Variants in SZRD1 observed in about 807,000 individuals in gnomAD.
SZRD1 encodes SUZ RNA binding domain containing 1, also known as SUZ RNA-binding domain-containing.
A neutral mutation model predicts 17.6 loss-of-function variants in SZRD1; 7 were observed. That is an observed-to-expected ratio of 0.40 (90% CI 0.23 to 0.75). The LOEUF (loss-of-function observed/expected upper bound fraction) is 0.75, where lower values mean the gene tolerates loss of function less well. SZRD1 is among the 30% of genes least tolerant of loss of function. The pLI is 0.38. For missense variants in SZRD1, 178 were observed against 201.8 expected, an observed-to-expected ratio of 0.88 and a Z score of 0.71; for synonymous variants, 77 against 77.9, an observed-to-expected ratio of 0.99 and a Z score of 0.06.
chr1:16,367,522 T>A (rs1488937014), intron 1 of SZRD1, among the ~76,000 whole-genome samples: 1 of 152,200 alleles, frequency 6.6e-6, no homozygotes, highest in Non-Finnish European at 1.5e-5. Flanking sequence ...TGCGCCTCCC[T>A]CCGCCCACTA....
chr1:16,377,240 C>T (rs1260169349), intron 1 of SZRD1, among the ~76,000 whole-genome samples: 5 of 152,184 alleles, frequency 3.3e-5, no homozygotes, highest in Non-Finnish European at 1.5e-5. Flanking sequence ...TTTGTTTCAT[C>T]CTCCAAAGTC....
rs148494606 is a variant in SZRD1 at position 16,384,156 on chromosome 1, A to G, written c.52-7219A>G. Among the ~76,000 whole-genome samples, 6 of 152,260 alleles carry G rather than the reference A, an allele frequency of 3.9e-5. No individual in the cohort carries two copies. In the East Asian group the frequency reaches 1.2e-3, roughly 29 times the overall value. ...ACCAGGCCAGGACACTGTCACTGCT[A>G]TGCTACTGATGGAAACAAGGCAGAG... On this transcript the variant is annotated intron_variant, in intron 1 of 3. Transcript: ENST00000401088.
intron 1 of SZRD1, among the ~76,000 whole-genome samples, chr1:16,389,789 C>T (rs1557630484): frequency 6.6e-6 from 1 of 152,206 alleles, no homozygotes; most frequent in Non-Finnish European, 1.5e-5. Flanking sequence ...ACGAAAATGG[C>T]CTACATGCTG....
rs879286765 is a variant in SZRD1, at chr1:16,391,079, A to T, written c.52-296A>T. Among the ~76,000 whole-genome samples the T allele has an allele frequency of 2.5e-4, 38 of 152,298 alleles. No individual in the cohort carries two copies. Among genetic ancestry groups the T allele is most frequent in the Admixed American group, 2.0e-4 (3 of 15,292 alleles). On this transcript the variant is annotated intron_variant, in intron 1 of 3. Transcript: ENST00000401088. This position sits in a 1 kb window ranked among gnomAD's most constrained non-coding sequence, Gnocchi z 4.3. ...AAGTTTAGGTTTAGAAGTTGATATGAGTGGCTCTGTGAAAGACAGATTACA... is the reference window on the plus strand; with the variant it reads ...AAGTTTAGGTTTAGAAGTTGATATGTGTGGCTCTGTGAAAGACAGATTACA...
chr1:16,388,375 G>A (rs1310130209), intron 1 of SZRD1, among the ~76,000 whole-genome samples: 1 of 151,794 alleles, frequency 6.6e-6, no homozygotes, highest in Non-Finnish European at 1.5e-5. Context: ...CAAAGTGCTA[G>A]GATTGTAGGC....
chr1:16,387,746 C>T (rs1389349454), intron 1 of SZRD1: 6 of 451,518 alleles, frequency 1.3e-5, no homozygotes, highest in South Asian at 9.4e-5. Context: ...CGAAATGATA[C>T]AGTATGAAAC....
intron 1 of SZRD1, among the ~76,000 whole-genome samples, chr1:16,375,883 C>A (rs1052702536): frequency 2.0e-5 from 3 of 152,148 alleles, no homozygotes; most frequent in Admixed American, 6.6e-5. Context: ...AGAACAATTC[C>A]CAGCCCAGCC....
chr1:16,379,760 G>GT (rs35016930), intron 1 of SZRD1, among the ~76,000 whole-genome samples: 44,103 of 130,968 alleles, frequency 0.34, 8,069 homozygotes, highest in East Asian at 0.67. Flanking sequence ...TTGATTTGGG[G>GT]TTTTTTTTTT....
intron 1 of SZRD1, among the ~76,000 whole-genome samples, chr1:16,383,302 C>G (rs996209830): frequency 6.6e-6 from 1 of 151,840 alleles, no homozygotes; most frequent in Non-Finnish European, 1.5e-5. Flanking sequence ...ACTGCTGCCT[C>G]AAACTCTTGG....
At chr1:16,387,333 CAG>C (rs1235086531) in intron 1 of SZRD1, 1 of 456,294 alleles carries the variant, frequency 2.2e-6, no homozygotes, top group Admixed American at 2.4e-5. Context: ...TTGCTTTCCT[CAG>C]AGGAGACCTG....
At position 16,391,414 on chromosome 1, in the gene SZRD1, C is replaced by G. The variant is rs1323754239; in HGVS notation, c.91C>G (p.Gln31Glu). Residue 31 changes from glutamine (Q) to glutamate (E), a missense_variant, in exon 2 of 4, where the codon CAA becomes GAA. Transcript: ENST00000401088. The surrounding 1 kb of genome is among the most constrained non-coding windows in gnomAD (Gnocchi z 4.3). ...GTTGGAAAAAAAACTGAAGATCACA[C>G]AAAAAGAGAGGTAAGGCTGCTGTCT... ...RRLEKKLKIT[Q>E]KESRKSKSPP... 70 of 1,548,818 alleles carry G rather than the reference C, an allele frequency of 4.5e-5. No individual in the cohort carries two copies. Among genetic ancestry groups the G allele is most frequent in the Non-Finnish European group, 5.9e-5 (68 of 1,146,398 alleles).
At chr1:16,380,019 T>C (rs374205697) in intron 1 of SZRD1, among the ~76,000 whole-genome samples, 11 of 152,270 alleles carry the variant, frequency 7.2e-5, no homozygotes, top group African/African-American at 2.4e-4. Context: ...ATTTTAGACA[T>C]TGGACAAATG....
intron 1 of SZRD1, chr1:16,369,098 G>T: frequency 2.9e-6 from 1 of 347,712 alleles, no homozygotes; most frequent in Non-Finnish European, 5.2e-6. Context: ...TTTTCTTTTG[G>T]TTCCCAAGTT....
intron 1 of SZRD1, among the ~76,000 whole-genome samples, chr1:16,385,145 G>C (rs554310058): frequency 3.9e-5 from 6 of 152,254 alleles, no homozygotes; most frequent in Non-Finnish European, 5.9e-5. Flanking sequence ...TATTTCTTGG[G>C]AGTCGTGTTG....
At chr1:16,377,410 C>T (rs2083023221) in intron 1 of SZRD1, among the ~76,000 whole-genome samples, 1 of 151,982 alleles carries the variant, frequency 6.6e-6, no homozygotes, top group Non-Finnish European at 1.5e-5. Context: ...TGGTGAAACC[C>T]TGTCACTACT....
At chr1:16,384,700 G>A (rs947972829) in intron 1 of SZRD1, among the ~76,000 whole-genome samples, 17 of 152,188 alleles carry the variant, frequency 1.1e-4, no homozygotes, top group African/African-American at 3.1e-4. Context: ...GTTCAGGGCC[G>A]GAACAGGTTG....
chr1:16,393,870 C>T lies in SZRD1; in HGVS notation c.356+388C>T, dbSNP rs140457587. Among the ~76,000 whole-genome samples the T allele has an allele frequency of 0.011, 1,659 of 152,256 alleles. 32 individuals are homozygous for T. Among genetic ancestry groups the T allele is most frequent in the African/African-American group, 0.037 (1,526 of 41,510 alleles). ...AAAAATGGGATAATAATAGTACCAA[C>T]CTTATCAAGGTGTTGTGCAATTCAG... is the stretch of plus-strand genomic sequence containing the variant. On this transcript the variant is annotated intron_variant, in intron 3 of 3. Coordinates refer to ENST00000401088, the MANE Select transcript of SZRD1 (RefSeq NM_001114600.3). This position sits in a 1 kb window ranked among gnomAD's most constrained non-coding sequence, Gnocchi z 5.6.
At chr1:16,368,522 GAAGGATTC>G (rs1023250016) in intron 1 of SZRD1, among the ~76,000 whole-genome samples, 1 of 152,170 alleles carries the variant, frequency 6.6e-6, no homozygotes, top group African/African-American at 2.4e-5. Flanking sequence ...TTGAGAATTT[GAAGGATTC>G]GTTCGTTCAG....
rs368567606 is a variant in SZRD1 at position 16,378,140 on chromosome 1, G to A, written c.51+10832G>A. Among the ~76,000 whole-genome samples the A allele has an allele frequency of 2.8e-4, 42 of 152,080 alleles. No homozygotes were observed. In the East Asian group the frequency reaches 6.7e-3, roughly 24 times the overall value. Reference sequence around the variant, plus strand: ...GGTATAGGGCTGAGTGTATCCCTCCGGCATGGAGACCCTTTGAGGAGGCAC... The same window carrying A: ...GGTATAGGGCTGAGTGTATCCCTCCAGCATGGAGACCCTTTGAGGAGGCAC... On this transcript the variant is annotated intron_variant, in intron 1 of 3. Coordinates refer to ENST00000401088, the MANE Select transcript of SZRD1 (RefSeq NM_001114600.3).
Sources: gnomAD v4.1 joint callset for allele counts (sites outside exome capture counted in the v4.1 genomes callset) on GRCh38, gnomAD v4.1.1 for gene constraint, Gnocchi (gnomAD v3.1) non-coding constraint, MANE v1.5 for transcripts, NCBI Gene and HGNC (gene_info 2026-07-23, HGNC 2026-07-21) for gene names.